Variants in KLC1 observed in about 807,000 individuals in gnomAD.
KLC1 encodes kinesin 2 60/70kDa.
KLC1 carries 30 observed loss-of-function variants against 84.2 expected under a neutral mutation model. The observed-to-expected ratio is 0.36, with a 90% CI of 0.27 to 0.48. The LOEUF is 0.48. KLC1 is among the 20% of genes least tolerant of loss of function. KLC1 has a pLI of 0.99. For synonymous variants in KLC1, 289 were observed against 293.3 expected (o/e 0.99, Z 0.15); for missense variants, 499 against 805.4 (o/e 0.62, Z 4.60).
intron 11 of KLC1, 133 bp downstream of exon 11, chr14:103,675,889 C>A (rs749054089): frequency 2.9e-6 from 2 of 694,888 alleles, no homozygotes; most frequent in Non-Finnish European, 4.9e-6. Context: ...TCCCGAATTC[C>A]AATTAAAAAA....
At chr14:103,657,462 C>G in intron 2 of KLC1, 84 bp from the exon 3 acceptor site, 1 of 1,014,390 alleles carries the variant, frequency 9.9e-7, no homozygotes, top group Non-Finnish European at 1.5e-6. Flanking sequence ...AAGCTACAGC[C>G]CCAGCCACAG....
At chr14:103,655,641 T>C (rs2078777739) in intron 2 of KLC1, among the ~76,000 whole-genome samples, 1 of 151,846 alleles carries the variant, frequency 6.6e-6, no homozygotes, top group Non-Finnish European at 1.5e-5. Context: ...CAGTGTTTGC[T>C]CTCGCCGCCC....
At chr14:103,696,043 C>G (rs1156252784) in intron 15 of KLC1, 4 of 984,586 alleles carry the variant, frequency 4.1e-6, no homozygotes, top group Middle Eastern at 5.2e-4. Context: ...GAACCCCACG[C>G]GAGAGTCAGC....
chr14:103,666,351 CCG>C (rs2079822830), intron 5 of KLC1, among the ~76,000 whole-genome samples: 1 of 151,768 alleles, frequency 6.6e-6, no homozygotes, highest in Non-Finnish European at 1.5e-5. Context: ...GCATGAGCCA[CCG>C]TGCCCGGCCC....
chr14:103,697,564 T>C (rs861540), intron 15 of KLC1: 146,881 of 152,332 alleles, frequency 0.96, 70,837 homozygotes, highest in East Asian at 0.98. Context: ...CTTCAATGTG[T>C]ATAAATTACT....
intron 1 of KLC1, among the ~76,000 whole-genome samples, chr14:103,650,384 C>T (rs2078329646): frequency 6.6e-6 from 1 of 152,058 alleles, no homozygotes; most frequent in African/African-American, 2.4e-5. Context: ...CCGTGGGTTG[C>T]TAGGCATTGT....
At chr14:103,638,941 C>G (rs976475579) in intron 1 of KLC1, among the ~76,000 whole-genome samples, 4 of 151,752 alleles carry the variant, frequency 2.6e-5, no homozygotes, top group Admixed American at 2.6e-4. Flanking sequence ...TGGTAGGGTT[C>G]CTGAAGCAGA....
At chr14:103,667,237 G>A (rs535145881) in intron 5 of KLC1, among the ~76,000 whole-genome samples, 50 of 151,778 alleles carry the variant, frequency 3.3e-4, no homozygotes, top group African/African-American at 1.1e-3. Context: ...TCAGGCTCCC[G>A]AGTAGCTGGG....
At chr14:103,636,061 T>C (rs182263071) in intron 1 of KLC1, among the ~76,000 whole-genome samples, 2 of 152,250 alleles carry the variant, frequency 1.3e-5, no homozygotes, top group Admixed American at 1.3e-4. Flanking sequence ...AATTCAGTAG[T>C]GTTAAGGATA....
chr14:103,699,321 T>TA (rs774598205), intron 15 of KLC1: 1 of 1,560,334 alleles, frequency 6.4e-7, no homozygotes, highest in Non-Finnish European at 8.7e-7. Flanking sequence ...GCATCCTGGC[T>TA]AAAAATACGA....
chr14:103,675,512 T>A (rs2080805915), intron 9 of KLC1, 40 bp from the exon 10 acceptor site: 1 of 1,577,770 alleles, frequency 6.3e-7, no homozygotes, highest in Non-Finnish European at 8.7e-7. Context: ...GAGTTTTGGA[T>A]TAAGGATGCT....
At chr14:103,645,385 C>T (rs2077837613) in intron 1 of KLC1, among the ~76,000 whole-genome samples, 1 of 152,170 alleles carries the variant, frequency 6.6e-6, no homozygotes, top group Non-Finnish European at 1.5e-5. Context: ...GGTCATCTCC[C>T]AGGTTCCCCC....
At chr14:103,643,916 G>C (rs2077688091) in intron 1 of KLC1, among the ~76,000 whole-genome samples, 1 of 149,712 alleles carries the variant, frequency 6.7e-6, no homozygotes. Context: ...CAATGTGGCT[G>C]TTAAGAAACC....
intron 14 of KLC1, chr14:103,687,884 G>C (rs952011502): frequency 3.3e-5 from 5 of 152,182 alleles, no homozygotes; most frequent in Non-Finnish European, 7.3e-5. Context: ...GCAGTGTCCA[G>C]GGTCACCTCT....
Position 103,662,202 on chromosome 14 carries a change from A to G in KLC1, c.571+8A>G, listed in dbSNP as rs1441579982. On this transcript the variant is annotated splice_region_variant and intron_variant, in intron 4 of 16. Coordinates refer to ENST00000334553, the MANE Select transcript of KLC1 (RefSeq NM_001394837.1). The stretch of plus-strand genomic sequence containing the variant: ...ACGACCCAGGGCAAGGAAGTGAGTG[A>G]TGGGTGATGCAGGCATGTTACCGAG... The G allele has an allele frequency of 6.2e-7, 1 of 1,602,344 alleles. No homozygotes were observed. Among genetic ancestry groups the G allele is most frequent in the Non-Finnish European group, 8.6e-7 (1 of 1,169,180 alleles).
chr14:103,682,096 C>T (rs2081388850), intron 13 of KLC1, among the ~76,000 whole-genome samples: 2 of 152,072 alleles, frequency 1.3e-5, no homozygotes, highest in African/African-American at 2.4e-5. Context: ...CCTTGCCGGG[C>T]GCGGTGGCTC....
rs181578300 is a variant in KLC1 at position 103,686,079 on chromosome 14, G to A, written c.1651-1002G>A. ...GCCCTGGGGGCCCCGCTCGGACTCCGGGTCTCCCTAGGATATGCCCCAGTA... is the reference window on the plus strand; with the variant it reads ...GCCCTGGGGGCCCCGCTCGGACTCCAGGTCTCCCTAGGATATGCCCCAGTA... On this transcript the variant is annotated intron_variant, in intron 13 of 16. Coordinates refer to ENST00000334553, the MANE Select transcript of KLC1 (RefSeq NM_001394837.1). 19 of 1,018,084 alleles carry A rather than the reference G, an allele frequency of 1.9e-5. No individual in the cohort carries two copies. In the Admixed American group the frequency reaches 2.6e-4, roughly 14 times the overall value. 63.1% of individuals were successfully genotyped at this position (1,018,084 alleles called of 1,614,324 possible).
chr14:103,692,541 C>T lies in KLC1; in HGVS notation c.1848+116C>T, dbSNP rs75396226. The T allele has an allele frequency of 7.7e-4, 572 of 746,928 alleles. 1 individual carries two copies. In the African/African-American group the frequency reaches 9.0e-3, roughly 12 times the overall value. 46.3% of individuals were successfully genotyped at this position (746,928 alleles called of 1,614,324 possible). A position where few individuals can be genotyped will look rare whatever the true frequency, so the allele number is the denominator to read the frequency against. On this transcript the variant is annotated intron_variant, in intron 15 of 16. Coordinates refer to ENST00000334553, the MANE Select transcript of KLC1 (RefSeq NM_001394837.1). ...TGCTCCTGCAGAGGGCTGGGGACGC[C>T]GCCACGTTTGTTCCTAGACAGACAG...
intron 8 of KLC1, 29 bp downstream of exon 8, chr14:103,673,216 G>A: frequency 6.3e-7 from 1 of 1,590,292 alleles, no homozygotes; most frequent in Non-Finnish European, 8.5e-7. Flanking sequence ...ACTAGGGAGG[G>A]GGCCAGGAGT....
Sources: gnomAD v4.1 joint callset for allele counts (sites outside exome capture counted in the v4.1 genomes callset) on GRCh38, gnomAD v4.1.1 for gene constraint, MANE v1.5 for transcripts, NCBI Gene and HGNC (gene_info 2026-07-23, HGNC 2026-07-21) for gene names.